APP: variants seen among roughly 807,000 people sequenced by gnomAD.
APP encodes the protein amyloid beta precursor protein, also known as amyloid-beta precursor protein.
APP carries 31 observed loss-of-function variants against 101.4 expected under a neutral mutation model. The observed-to-expected ratio is 0.31, with a 90% CI of 0.23 to 0.41. The LOEUF is 0.41. APP is among the 10% of genes least tolerant of loss of function. The pLI, the probability that APP is intolerant of heterozygous loss-of-function variation, is 1.00. For synonymous variants in APP, 366 were observed against 364.4 expected (o/e 1.00, Z -0.05); for missense variants, 839 against 1,003.7 (o/e 0.84, Z 2.22).
At chr21:25,896,693 C>T (rs540801316) in intron 16 of APP, among the ~76,000 whole-genome samples, 42 of 152,074 alleles carry the variant, frequency 2.8e-4, no homozygotes, top group Non-Finnish European at 4.7e-4. Context: ...TGATTTACTC[C>T]AATTCTAACA....
intron 6 of APP, among the ~76,000 whole-genome samples, chr21:26,005,939 A>G (rs868543856): frequency 6.6e-6 from 1 of 152,218 alleles, no homozygotes. Flanking sequence ...ACTATATGTA[A>G]TTATTATGTC....
At chr21:25,945,324 T>C (rs1202828258) in intron 13 of APP, among the ~76,000 whole-genome samples, 4 of 151,290 alleles carry the variant, frequency 2.6e-5, no homozygotes, top group Admixed American at 1.3e-4. Flanking sequence ...TAAAACCTCA[T>C]TAACATTATA....
intron 5 of APP, among the ~76,000 whole-genome samples, chr21:26,022,709 G>A (rs899649841): frequency 6.6e-6 from 1 of 152,138 alleles, no homozygotes; most frequent in Non-Finnish European, 1.5e-5. Context: ...TGAGTTTGCC[G>A]TATTATGGGA....
chr21:26,027,561 A>G (rs1390152048), intron 5 of APP, among the ~76,000 whole-genome samples: 1 of 152,216 alleles, frequency 6.6e-6, no homozygotes, highest in Non-Finnish European at 1.5e-5. Flanking sequence ...ACACAAGGGG[A>G]CACATCACCT....
intron 6 of APP, among the ~76,000 whole-genome samples, chr21:26,016,688 C>T: frequency 6.6e-6 from 1 of 152,194 alleles, no homozygotes; most frequent in Non-Finnish European, 1.5e-5. Flanking sequence ...TCTCCTGCCT[C>T]AGCCTCCTGT....
chr21:25,997,484 A>C lies in APP; in HGVS notation c.1034-68T>G, dbSNP rs148784613. ...AACATGGGAATGATGGCTGAAATGC[A>C]CGAGTCCACTGACAAAAAAACAACC... On this transcript the variant is annotated intron_variant, in intron 7 of 17. Coordinates refer to ENST00000346798, the MANE Select transcript of APP (RefSeq NM_000484.4). 5 of 1,396,840 alleles carry C rather than the reference A, an allele frequency of 3.6e-6. No homozygotes were observed. The East Asian group carries it at 1.1e-4, about 32-fold the overall frequency. 86.5% of individuals were successfully genotyped at this position (1,396,840 alleles called of 1,614,324 possible).
chr21:26,085,475 G>C (rs982248385), intron 3 of APP, among the ~76,000 whole-genome samples: 13 of 152,106 alleles, frequency 8.5e-5, no homozygotes, highest in African/African-American at 3.1e-4. Flanking sequence ...AGGTCGGTGG[G>C]GAGAGGAGGC....
intron 17 of APP, among the ~76,000 whole-genome samples, chr21:25,882,338 T>C (rs900974491): frequency 1.3e-5 from 2 of 149,740 alleles, no homozygotes; most frequent in Non-Finnish European, 3.0e-5. Context: ...ATTAAAACAA[T>C]AACATATACC....
At chr21:26,002,708 C>T (rs550423548) in intron 6 of APP, among the ~76,000 whole-genome samples, 13 of 152,262 alleles carry the variant, frequency 8.5e-5, no homozygotes, top group South Asian at 4.1e-4. Flanking sequence ...CCCATAGTCA[C>T]GGGAGCATTG....
rs1288928288 is a variant in APP, at chr21:25,994,781, C to T, written c.1090+2579G>A. Among the ~76,000 whole-genome samples, 3 of 152,234 alleles carry T rather than the reference C, an allele frequency of 2.0e-5. No individual in the cohort carries two copies. In the East Asian group the frequency reaches 5.8e-4, roughly 29 times the overall value. On this transcript the variant is annotated intron_variant, in intron 8 of 17. Transcript: ENST00000346798. ...TCAGCTCCTTTTCTCTGAATTGAGT[C>T]TGCCATCTGAATTTGACCTCCAGAT...
At chr21:26,103,037 A>C (rs949142948) in intron 2 of APP, among the ~76,000 whole-genome samples, 4 of 152,204 alleles carry the variant, frequency 2.6e-5, no homozygotes, top group Non-Finnish European at 4.4e-5. Context: ...TCAAAAGAAA[A>C]TAACAACTCA....
intron 15 of APP, among the ~76,000 whole-genome samples, chr21:25,899,278 G>A (rs1183556534): frequency 1.1e-4 from 17 of 152,118 alleles, no homozygotes; most frequent in Non-Finnish European, 2.9e-5. Context: ...TAAGAACTTG[G>A]ACTTGGGTAG....
At chr21:25,980,749 A>G (rs1296301010) in intron 9 of APP, among the ~76,000 whole-genome samples, 1 of 152,184 alleles carries the variant, frequency 6.6e-6, no homozygotes. Flanking sequence ...TATGTTTTCA[A>G]GGGTAGATTT....
intron 11 of APP, among the ~76,000 whole-genome samples, chr21:25,974,675 A>G (rs2042159466): frequency 6.6e-6 from 1 of 152,194 alleles, no homozygotes; most frequent in South Asian, 2.1e-4. Context: ...TCTGTTGCTG[A>G]TAAGGTACCC....
At chr21:25,948,578 GAA>G (rs76833625) in intron 13 of APP, among the ~76,000 whole-genome samples, 1 of 151,814 alleles carries the variant, frequency 6.6e-6, no homozygotes, top group African/African-American at 2.4e-5. Flanking sequence ...AATGCTAGAA[GAA>G]AAAAAATGGG....
intron 13 of APP, among the ~76,000 whole-genome samples, chr21:25,944,748 G>T (rs2040732182): frequency 6.6e-6 from 1 of 152,238 alleles, no homozygotes; most frequent in Admixed American, 6.5e-5. Flanking sequence ...GAAGGCAGAT[G>T]CTTGTGAAAA....
intron 14 of APP, 105 bp from the exon 15 acceptor site, chr21:25,905,182 A>T: frequency 1.0e-6 from 1 of 958,400 alleles, no homozygotes; most frequent in South Asian, 1.4e-5. Flanking sequence ...TATGCAATAA[A>T]CAAGTTACAA....
chr21:26,049,720 G>C (rs1360086493), intron 5 of APP, among the ~76,000 whole-genome samples: 1 of 152,162 alleles, frequency 6.6e-6, no homozygotes, highest in Non-Finnish European at 1.5e-5. Flanking sequence ...GATGTTCAAT[G>C]GAATAGGTAA....
chr21:26,022,770 G>T (rs183110478), intron 5 of APP, among the ~76,000 whole-genome samples: 1 of 152,336 alleles, frequency 6.6e-6, no homozygotes, highest in Non-Finnish European at 1.5e-5. Context: ...GCACGGTAGC[G>T]GATACTCAGT....
Sources: allele counts gnomAD v4.1 joint callset (sites outside exome capture counted in the v4.1 genomes callset), GRCh38; gene constraint gnomAD v4.1.1; transcripts MANE v1.5; gene names NCBI Gene and HGNC (gene_info 2026-07-23, HGNC 2026-07-21).